ATP11A: variants seen among roughly 807,000 people sequenced by gnomAD.
ATP11A encodes the protein phospholipid-transporting ATPase IH.
In ATP11A, 81 loss-of-function variants were observed where a neutral mutation model predicts 154.4. The ratio of observed to expected loss-of-function variants is 0.52; its 90% CI spans 0.44 to 0.63. The LOEUF is 0.63. ATP11A is among the 30% of genes least tolerant of loss of function. The pLI is 0.00. For synonymous variants in ATP11A, 623 were observed against 585.9 expected (o/e 1.06, Z -0.91); for missense variants, 1,316 against 1,474.3 (o/e 0.89, Z 1.76).
At chr13:112,760,256 G>A (rs1266929961) in intron 1 of ATP11A, among the ~76,000 whole-genome samples, 1 of 152,138 alleles carries the variant, frequency 6.6e-6, no homozygotes, top group Non-Finnish European at 1.5e-5. Context: ...TTGAGGAAGG[G>A]GCACCTCGCT....
intron 1 of ATP11A, among the ~76,000 whole-genome samples, chr13:112,784,364 C>T (rs928541207): frequency 2.6e-5 from 4 of 152,184 alleles, no homozygotes; most frequent in Non-Finnish European, 5.9e-5. Context: ...CCTGTTTTCA[C>T]CAGTCCTCAA....
intron 1 of ATP11A, among the ~76,000 whole-genome samples, chr13:112,708,619 A>G (rs1887414580): frequency 6.6e-6 from 1 of 152,170 alleles, no homozygotes. Context: ...GTTGATATTG[A>G]TTTCTATCAA....
chr13:112,808,781 T>G (rs113940736), intron 4 of ATP11A, among the ~76,000 whole-genome samples: 2,564 of 152,226 alleles, frequency 0.017, 65 homozygotes, highest in African/African-American at 0.059. Context: ...ATCGCCCAGG[T>G]CCTGCCAGAG....
At chr13:112,866,363 T>C (rs527962902) in intron 25 of ATP11A, among the ~76,000 whole-genome samples, 22 of 152,144 alleles carry the variant, frequency 1.4e-4, no homozygotes, top group Non-Finnish European at 3.1e-4. Context: ...ACGCACATCC[T>C]TGCTGTGTTC....
chr13:112,776,562 C>T (rs1239623809), intron 1 of ATP11A, among the ~76,000 whole-genome samples: 2 of 152,090 alleles, frequency 1.3e-5, no homozygotes, highest in Non-Finnish European at 2.9e-5. Context: ...TGGTGTTGCG[C>T]TCTGTCAAGT....
rs370266083 is a variant in ATP11A, at chr13:112,856,099, G to A, written c.2418+14G>A. Reference sequence around the variant, plus strand: ...CAGAAGGCTCAGGTGCTGCCCGCCCGTCCTCGATAGCTGGTGGTCAGGGCG... The same window carrying A: ...CAGAAGGCTCAGGTGCTGCCCGCCCATCCTCGATAGCTGGTGGTCAGGGCG... On this transcript the variant is annotated intron_variant, in intron 20 of 29. Transcript: ENST00000375645. The A allele has an allele frequency of 2.9e-5, 46 of 1,603,834 alleles. No homozygotes were observed. The highest frequency in any genetic ancestry group is 2.0e-4 in the East Asian group (9 of 44,774).
chr13:112,832,318 G>A (rs776282420), intron 13 of ATP11A, among the ~76,000 whole-genome samples: 20 of 152,196 alleles, frequency 1.3e-4, no homozygotes, highest in Non-Finnish European at 2.1e-4. Flanking sequence ...CTTCCTAAAC[G>A]CTGATTCTGC....
At chr13:112,851,528 C>CT (rs202083531) in intron 18 of ATP11A, 545 of 210,168 alleles carry the variant, frequency 2.6e-3, no homozygotes, top group East Asian at 4.4e-3. Flanking sequence ...ATTCTTTCTT[C>CT]TTTTTTTTTA....
At position 112,855,464 on chromosome 13, in the gene ATP11A, C is replaced by A. The variant is rs527927257; in HGVS notation, c.2244-447C>A. 3.3e-5 allele frequency among the ~76,000 whole-genome samples: 5 copies of A among 152,314 alleles called. No homozygotes were observed. In the South Asian group the frequency reaches 1.0e-3, roughly 32 times the overall value. On this transcript the variant is annotated intron_variant, in intron 19 of 29. Coordinates refer to ENST00000375645, the MANE Select transcript of ATP11A (RefSeq NM_015205.3). ...AAGTGCTGGGATTACAGGTGTGAGC[C>A]ACCGCATCCAGCCTTCTTGTCATTT...
intron 1 of ATP11A, among the ~76,000 whole-genome samples, chr13:112,784,269 C>T (rs1249563760): frequency 2.0e-5 from 3 of 152,156 alleles, no homozygotes; most frequent in Non-Finnish European, 2.9e-5. Flanking sequence ...GGAAAGGGGC[C>T]GCAGCTCCTG....
chr13:112,743,824 G>T (rs1891816637), intron 1 of ATP11A, among the ~76,000 whole-genome samples: 1 of 152,210 alleles, frequency 6.6e-6, no homozygotes, highest in Admixed American at 6.5e-5. Context: ...GTCCTTCCCT[G>T]GAGTTTAGTA....
chr13:112,817,491 G>A (rs1344823936), intron 6 of ATP11A, among the ~76,000 whole-genome samples: 3 of 152,240 alleles, frequency 2.0e-5, no homozygotes, highest in Non-Finnish European at 4.4e-5. Context: ...ATCCCTGGAT[G>A]ATTCAGGTAT....
rs921379260 is a variant in ATP11A at position 112,780,682 on chromosome 13, A to G, written c.40-4453A>G. Among the ~76,000 whole-genome samples, 4 of 152,006 alleles carry G rather than the reference A, an allele frequency of 2.6e-5. No homozygotes were observed. The East Asian group carries it at 5.8e-4, about 22-fold the overall frequency. On this transcript the variant is annotated intron_variant, in intron 1 of 29. Coordinates refer to ENST00000375645, the MANE Select transcript of ATP11A (RefSeq NM_015205.3). ...GGTCAGTCACATCAGCACAGGGTAG[A>G]TTTTTACTTCAGCTGGAACTTGATG...
intron 1 of ATP11A, among the ~76,000 whole-genome samples, chr13:112,704,821 A>C (rs1179010284): frequency 6.6e-6 from 1 of 152,270 alleles, no homozygotes; most frequent in Non-Finnish European, 1.5e-5. Context: ...GCAAAGGATT[A>C]GGGACAATGA....
intron 6 of ATP11A, among the ~76,000 whole-genome samples, chr13:112,818,397 C>T (rs2078707018): frequency 6.6e-6 from 1 of 152,156 alleles, no homozygotes; most frequent in Admixed American, 6.5e-5. Flanking sequence ...GACCGTGTCC[C>T]CCTGATTTGT....
intron 2 of ATP11A, among the ~76,000 whole-genome samples, chr13:112,791,950 G>T (rs543876925): frequency 6.6e-6 from 1 of 152,156 alleles, no homozygotes. Flanking sequence ...TCTCAGGAGC[G>T]CCGTCTGCGT....
At chr13:112,792,365 C>T (rs1015598896) in intron 2 of ATP11A, among the ~76,000 whole-genome samples, 5 of 151,954 alleles carry the variant, frequency 3.3e-5, no homozygotes, top group Admixed American at 6.6e-5. Context: ...CCTAAGTTTA[C>T]GACTGATTTT....
intron 15 of ATP11A, among the ~76,000 whole-genome samples, chr13:112,835,631 C>T (rs926723462): frequency 1.3e-5 from 2 of 152,232 alleles, no homozygotes; most frequent in Non-Finnish European, 2.9e-5. Flanking sequence ...AGCCCCTCCG[C>T]AGCTTCCCAC....
At chr13:112,791,764 C>G (rs937318683) in intron 2 of ATP11A, among the ~76,000 whole-genome samples, 2 of 152,178 alleles carry the variant, frequency 1.3e-5, no homozygotes, top group Non-Finnish European at 2.9e-5. Context: ...CTCCGCTGCT[C>G]CCTGTGGAAC....
Sources: allele counts gnomAD v4.1 joint callset (sites outside exome capture counted in the v4.1 genomes callset), GRCh38; gene constraint gnomAD v4.1.1; transcripts MANE v1.5; gene names NCBI Gene and HGNC (gene_info 2026-07-23, HGNC 2026-07-21).